The following RIF1 variants were observed in gnomAD, a reference collection of about 807,000 sequenced individuals.
RIF1 encodes the protein replication timing regulatory factor 1, also known as telomere-associated protein RIF1.
In RIF1, 45 loss-of-function variants were observed where a neutral mutation model predicts 247.1. That is an observed-to-expected ratio of 0.18 (90% confidence interval 0.14 to 0.23). The LOEUF is 0.23. RIF1 is among the 10% of genes least tolerant of loss of function. RIF1 has a pLI of 1.00. For missense variants in RIF1, 2,967 were observed against 2,862.5 expected, an observed-to-expected ratio of 1.04 and a Z score of -0.83; for synonymous variants, 1,087 against 978.8, an observed-to-expected ratio of 1.11 and a Z score of -2.06.
chr2:151,436,835 T>C lies in RIF1; in HGVS notation c.1204T>C (p.Ser402Pro). Residue 402 changes from serine (S) to proline (P), a missense_variant, in exon 12 of 36, where the codon TCC becomes CCC. Transcript: ENST00000444746. ...PMTPVHKGAS[S>P]PYGAPGTPRM... Reference sequence around the variant, plus strand: ...TTTTTTTTTTCTTAAAGGTGCTTCCTCCCCGTACGGAGCCCCGGGAACTCC... The same window carrying C: ...TTTTTTTTTTCTTAAAGGTGCTTCCCCCCCGTACGGAGCCCCGGGAACTCC... 6.3e-7 allele frequency: 1 copy of C among 1,592,726 alleles called. No homozygotes were observed. The highest frequency in any genetic ancestry group is 1.4e-5 in the African/African-American group (1 of 73,670).
intron 34 of RIF1, among the ~76,000 whole-genome samples, chr2:151,471,772 G>T (rs1475116574): frequency 6.6e-6 from 1 of 152,084 alleles, no homozygotes; most frequent in Non-Finnish European, 1.5e-5. Flanking sequence ...GGTTACTGTA[G>T]CCTTGTAGTA....
At chr2:151,498,433 G>A (rs2061829994) in intron 10 of RIF1, 6 of 944,220 alleles carry the variant, frequency 6.4e-6, no homozygotes, top group Admixed American at 5.0e-5. Context: ...TTGGGAGTGG[G>A]AAGGGAGGAA....
intron 30 of RIF1, among the ~76,000 whole-genome samples, chr2:151,466,577 A>G (rs989984685): frequency 3.3e-5 from 5 of 152,198 alleles, no homozygotes; most frequent in Non-Finnish European, 5.9e-5. Flanking sequence ...GCCTTCATCA[A>G]CTTGTAGATG....
the RIF1 span, among the ~76,000 whole-genome samples, chr2:151,530,086 C>T: frequency 6.6e-6 from 1 of 152,104 alleles, no homozygotes; most frequent in African/African-American, 2.4e-5. Flanking sequence ...TTAAGGACCC[C>T]TTAAGGGCAA....
chr2:151,514,883 G>A, the RIF1 span: 4 of 1,588,154 alleles, frequency 2.5e-6, no homozygotes, highest in Admixed American at 3.5e-5. Flanking sequence ...AGGCCAGTCA[G>A]GTTTCTGCCT....
chr2:151,410,323 G>A, intron 1 of RIF1, 91 bp from the exon 2 acceptor site: 2 of 966,270 alleles, frequency 2.1e-6, no homozygotes, highest in South Asian at 1.5e-5. Context: ...CCGGGCGGGC[G>A]TGCGGGTGTG....
At chr2:151,492,598 G>A in intron 9 of RIF1, 1 of 766,636 alleles carries the variant, frequency 1.3e-6, no homozygotes, top group South Asian at 2.3e-5. Context: ...GGACGCTTGG[G>A]TCAACTGAAG....
In RIF1 at chr2:151,416,641, T is replaced by G. The variant is rs769768795; in HGVS notation, c.361T>G (p.Trp121Gly). 1.2e-6 allele frequency: 2 copies of G among 1,612,444 alleles called. No individual in the cohort carries two copies. The highest frequency in any genetic ancestry group is 1.7e-6 in the Non-Finnish European group (2 of 1,179,636). ...CAAAAATGTACGTACTAGAGCACTT[T>G]GGGTGATATCTAAGCAGACATTTCC... ...SDKNVRTRAL[W>G]VISKQTFPSE... is the part of the protein sequence containing the mutation. Residue 121 changes from tryptophan to glycine, a missense_variant, in exon 5 of 36, where the codon TGG becomes GGG. Physicochemically the swap from Trp to Gly is radical, Grantham distance 184. This residue lies in a region of RIF1 where 269 missense variants were observed against 288.6 expected (regional missense o/e 0.93). Coordinates refer to ENST00000444746, the MANE Select transcript of RIF1 (RefSeq NM_018151.5).
At chr2:151,443,382 T>C in intron 17 of RIF1, 53 bp downstream of exon 17, 2 of 1,350,520 alleles carry the variant, frequency 1.5e-6, no homozygotes, top group South Asian at 1.3e-5. Context: ...ATGTAATGAA[T>C]GAGATTATTT....
intron 10 of RIF1, 33 bp from the exon 11 acceptor site, chr2:151,435,430 G>A (rs778839120): frequency 1.6e-6 from 2 of 1,224,028 alleles, no homozygotes; most frequent in South Asian, 1.2e-5. Flanking sequence ...CAGTTGTATA[G>A]TTTATAGATC....
chr2:151,466,160 T>C, intron 30 of RIF1, 40 bp downstream of exon 30: 1 of 1,314,482 alleles, frequency 7.6e-7, no homozygotes, highest in Admixed American at 2.3e-5. Flanking sequence ...ACCCAGTATT[T>C]GGTTGGGATA....
chr2:151,424,738 C>T lies in RIF1; in HGVS notation c.786+1696C>T, dbSNP rs897079658. Among the ~76,000 whole-genome samples the T allele has an allele frequency of 5.3e-5, 8 of 151,134 alleles. No homozygotes were observed. In the East Asian group the frequency reaches 1.6e-3, roughly 29 times the overall value. On this transcript the variant is annotated intron_variant, in intron 8 of 35. Transcript: ENST00000444746. Reference sequence around the variant, plus strand: ...AGGCTGGAGTGCAGTGGCACAACCTCGCTCACTGCAACCTCTGTCTCCCAG... The same window carrying T: ...AGGCTGGAGTGCAGTGGCACAACCTTGCTCACTGCAACCTCTGTCTCCCAG...
At chr2:151,505,720 T>C in intron 12 of RIF1, 1 of 665,216 alleles carries the variant, frequency 1.5e-6, no homozygotes, top group Non-Finnish European at 2.7e-6. Flanking sequence ...TGGGACCTCA[T>C]TCTGATACTG....
At chr2:151,524,395 G>A in the RIF1 span, 3 of 1,613,824 alleles carry the variant, frequency 1.9e-6, no homozygotes, top group African/African-American at 2.7e-5. Flanking sequence ...CTTCCTTGCG[G>A]TGCTTGGCTC....
At chr2:151,425,022 CCAGTAAT>C (rs958628367) in intron 8 of RIF1, among the ~76,000 whole-genome samples, 4 of 151,854 alleles carry the variant, frequency 2.6e-5, no homozygotes, top group African/African-American at 9.7e-5. Context: ...TACATTCCCA[CCAGTAAT>C]GCACTGGGGT....
intron 34 of RIF1, among the ~76,000 whole-genome samples, chr2:151,473,737 T>C (rs2048758537): frequency 6.6e-6 from 1 of 152,204 alleles, no homozygotes; most frequent in South Asian, 2.1e-4. Flanking sequence ...CATTATGAAA[T>C]ATTGTTAAAT....
At chr2:151,506,281 G>A (rs950478275) in exon 13 of RIF1, 1 of 1,552,094 alleles carries the variant, frequency 6.4e-7, no homozygotes, top group African/African-American at 1.4e-5. Flanking sequence ...AATCAGGACA[G>A]TGTTAACACA....
At chr2:151,510,266 T>C (rs2073095926), downstream of RIF1, among the ~76,000 whole-genome samples, 2 of 152,214 alleles carry the variant, frequency 1.3e-5, no homozygotes, top group South Asian at 4.1e-4. Flanking sequence ...ACAGTAAAAC[T>C]TGTTTAATTC....
chr2:151,450,594 CT>C (rs527914694), intron 20 of RIF1, among the ~76,000 whole-genome samples: 90 of 146,354 alleles, frequency 6.1e-4, no homozygotes, highest in Admixed American at 6.8e-4. Flanking sequence ...ATAATTCTTT[CT>C]TTTTTTTTTT....
Sources: gnomAD v4.1 joint callset for allele counts (sites outside exome capture counted in the v4.1 genomes callset) on GRCh38, gnomAD v4.1.1 for gene constraint, gnomAD v4.1.1 regional missense constraint, MANE v1.5 for transcripts, NCBI Gene and HGNC (gene_info 2026-07-23, HGNC 2026-07-21) for gene names.